Variants in BTBD8 observed in about 807,000 individuals in gnomAD.
The protein encoded by BTBD8 is BTB/POZ domain-containing protein 8.
Under a neutral mutation model 162.9 loss-of-function variants are expected in BTBD8, and 110 were observed. The observed-to-expected ratio is 0.68, with a 90% confidence interval of 0.58 to 0.79. BTBD8 has a LOEUF of 0.79. Among genes scored for constraint, BTBD8 ranks in the 30% least tolerant of loss-of-function variants. The probability of loss-of-function intolerance (pLI) is 0.00; values close to 1 mark genes in which losing one functional copy is unlikely to be tolerated. For missense variants in BTBD8, 1,905 were observed against 2,085.4 expected (o/e 0.91, Z 1.68); for synonymous variants, 667 against 716.1 (o/e 0.93, Z 1.10).
intron 13 of BTBD8, among the ~76,000 whole-genome samples, chr1:92,174,565 G>T (rs1322326670): frequency 6.6e-6 from 1 of 152,112 alleles, no homozygotes; most frequent in South Asian, 2.1e-4. Flanking sequence ...CAGTGTTAAG[G>T]GTGGGAAGGA....
chr1:92,105,476 C>T (rs1055503542), intron 3 of BTBD8, among the ~76,000 whole-genome samples: 23 of 151,352 alleles, frequency 1.5e-4, no homozygotes, highest in African/African-American at 4.1e-4. Flanking sequence ...TGGTCTTGAA[C>T]TCCTGAGCTC....
intron 12 of BTBD8, among the ~76,000 whole-genome samples, chr1:92,169,934 T>C: frequency 6.6e-6 from 1 of 152,170 alleles, no homozygotes; most frequent in East Asian, 1.9e-4. Context: ...AAGAATCTCT[T>C]AGAAATTGGA....
chr1:92,173,776 A>G (rs77317615), intron 13 of BTBD8, among the ~76,000 whole-genome samples: 1 of 152,334 alleles, frequency 6.6e-6, no homozygotes, highest in East Asian at 1.9e-4. Context: ...AAAACCTAGC[A>G]GGATTATTGT....
chr1:92,115,676 C>G (rs1570726439), intron 4 of BTBD8: 2 of 346,686 alleles, frequency 5.8e-6, no homozygotes, highest in East Asian at 1.5e-4. Context: ...AACATGTAGA[C>G]CATGTAGTTG....
At chr1:92,133,552 T>C (rs1649561458) in intron 5 of BTBD8, among the ~76,000 whole-genome samples, 1 of 152,252 alleles carries the variant, frequency 6.6e-6, no homozygotes, top group African/African-American at 2.4e-5. Context: ...CAATCCTGTC[T>C]GTCCTTACAG....
Position 92,182,218 on chromosome 1 carries a change from G to A in BTBD8, c.4535G>A (p.Ser1512Asn), listed in dbSNP as rs1240180128. The A allele has an allele frequency of 6.4e-7, 1 of 1,550,496 alleles. No homozygotes were observed. Among genetic ancestry groups the A allele is most frequent in the Admixed American group, 2.0e-5 (1 of 50,862 alleles). Residue 1512 changes from serine (S) to asparagine (N), a missense_variant, in exon 17 of 18, where the codon AGC (serine) becomes AAC (asparagine). By Grantham distance (46) the Ser-to-Asn change is conservative. Around this residue, in one of 3 missense-constraint regions of BTBD8, gnomAD observed 517 missense variants for 606.6 expected, o/e 0.85. Transcript: ENST00000636805. ...GGCAATAGTGTATGTAAAAATGAAA[G>A]CACTGTCTTGGATCTTAGTAGCATT... Reference protein sequence around the residue: ...NKGNSVCKNESTVLDLSSIDS... With the variant: ...NKGNSVCKNENTVLDLSSIDS...
At chr1:92,099,128 C>T (rs558818659) in intron 2 of BTBD8, among the ~76,000 whole-genome samples, 2 of 152,262 alleles carry the variant, frequency 1.3e-5, no homozygotes, top group South Asian at 4.1e-4. Context: ...TCACTTGTCT[C>T]AGCACCATTT....
chr1:92,142,135 G>T (rs184230109), intron 7 of BTBD8, among the ~76,000 whole-genome samples: 1 of 152,272 alleles, frequency 6.6e-6, no homozygotes, highest in Admixed American at 6.5e-5. Context: ...TAACCCCTCG[G>T]CTTCCTTTAA....
At chr1:92,108,025 T>A in intron 4 of BTBD8, 24 bp downstream of exon 4, 4 of 1,587,056 alleles carry the variant, frequency 2.5e-6, no homozygotes, top group Non-Finnish European at 3.5e-6. Context: ...ACTGATTTGC[T>A]GTCTTGGTTG....
chr1:92,081,833 C>CA (rs967553346), intron 1 of BTBD8, among the ~76,000 whole-genome samples: 7 of 152,200 alleles, frequency 4.6e-5, no homozygotes, highest in Non-Finnish European at 8.8e-5. Context: ...CTCGGCCTCC[C>CA]AAAATGCTGG....
chr1:92,093,624 C>T (rs1648374267), intron 2 of BTBD8, among the ~76,000 whole-genome samples: 1 of 152,172 alleles, frequency 6.6e-6, no homozygotes, highest in African/African-American at 2.4e-5. Context: ...CCATTAGTTT[C>T]CTCCTCTGAA....
At chr1:92,167,299 T>G (rs1051019336) in intron 10 of BTBD8, among the ~76,000 whole-genome samples, 159 bp downstream of exon 10, 1 of 152,230 alleles carries the variant, frequency 6.6e-6, no homozygotes, top group Non-Finnish European at 1.5e-5. Flanking sequence ...AAGGCAGTGA[T>G]GGACAGGATA....
At chr1:92,146,173 C>A (rs528289076) in intron 7 of BTBD8, among the ~76,000 whole-genome samples, 105 of 150,806 alleles carry the variant, frequency 7.0e-4, no homozygotes, top group Non-Finnish European at 1.2e-3. Context: ...GATATTTAAC[C>A]TAAAATAAAT....
intron 5 of BTBD8, among the ~76,000 whole-genome samples, chr1:92,134,144 G>A (rs1649576438): frequency 2.0e-5 from 2 of 97,664 alleles, no homozygotes; most frequent in South Asian, 7.7e-4. Context: ...AACTCCACTT[G>A]TTTCATTTTA....
At chr1:92,110,993 C>CTTTT (rs796699216) in intron 4 of BTBD8, among the ~76,000 whole-genome samples, 1 of 143,138 alleles carries the variant, frequency 7.0e-6, no homozygotes. Context: ...GCAGTCATTC[C>CTTTT]TTTTTTTTTT....
At chr1:92,118,220 C>T (rs1453662373) in intron 4 of BTBD8, among the ~76,000 whole-genome samples, 1 of 150,238 alleles carries the variant, frequency 6.7e-6, no homozygotes, top group Admixed American at 6.6e-5. Flanking sequence ...CCCGATCTCA[C>T]ATTATGCTTA....
chr1:92,149,798 A>G (rs79587010), intron 9 of BTBD8, among the ~76,000 whole-genome samples: 1,768 of 152,192 alleles, frequency 0.012, 43 homozygotes, highest in African/African-American at 0.04. Context: ...GGCCAGGTAT[A>G]TGTCTAGCTC....
rs138017815 is a variant in BTBD8, at chr1:92,091,450, CGTGTGTGT to C, written c.347+2562_347+2569del. On this transcript the variant is annotated intron_variant, in intron 2 of 17. Coordinates refer to ENST00000636805, the MANE Select transcript of BTBD8 (RefSeq NM_001376131.1). ...CAGTGTGAGAACGGACTAATACACTCGTGTGTGTGTGTGTATGTGTATGTGTGTGTGTA... is the reference window on the plus strand; with the variant it reads ...CAGTGTGAGAACGGACTAATACACTCGTGTGTATGTGTATGTGTGTGTGTA... Among the ~76,000 whole-genome samples the C allele has an allele frequency of 9.3e-5, 14 of 151,134 alleles. No homozygotes were observed. In the South Asian group the frequency reaches 2.9e-3, roughly 32 times the overall value.
At chr1:92,159,336 A>G (rs1405257802) in intron 9 of BTBD8, among the ~76,000 whole-genome samples, 1 of 151,866 alleles carries the variant, frequency 6.6e-6, no homozygotes, top group East Asian at 1.9e-4. Context: ...CACCACAGCT[A>G]GCTAATTTTT....
Sources: gnomAD v4.1 joint callset for allele counts (sites outside exome capture counted in the v4.1 genomes callset) on GRCh38, gnomAD v4.1.1 for gene constraint, gnomAD v4.1.1 regional missense constraint, MANE v1.5 for transcripts, NCBI Gene and HGNC (gene_info 2026-07-23, HGNC 2026-07-21) for gene names.